TLK2: variants seen among roughly 807,000 people sequenced by gnomAD.
The protein encoded by TLK2 is serine/threonine-protein kinase tousled-like 2.
In TLK2, 6 loss-of-function variants were observed where a neutral mutation model predicts 117.3. That is an observed-to-expected ratio of 0.05 (90% CI 0.03 to 0.10). The LOEUF is 0.10. TLK2 is among the 10% of genes least tolerant of loss of function. The pLI is 1.00. For synonymous variants in TLK2, 257 were observed against 316.7 expected (o/e 0.81, Z 2.00); for missense variants, 299 against 901.2 (o/e 0.33, Z 8.56).
intron 21 of TLK2, among the ~76,000 whole-genome samples, chr17:62,611,730 A>G (rs1218105485): frequency 6.6e-6 from 1 of 152,260 alleles, no homozygotes; most frequent in Admixed American, 6.5e-5. Context: ...AGGAAAAGAC[A>G]GATAATCTAT....
intron 2 of TLK2, among the ~76,000 whole-genome samples, chr17:62,518,159 C>T (rs989157836): frequency 6.6e-6 from 1 of 152,254 alleles, no homozygotes; most frequent in African/African-American, 2.4e-5. Flanking sequence ...AGGTCATCAC[C>T]AAGGTCTGAT....
chr17:62,485,816 GT>G lies in TLK2; in HGVS notation c.81+4632del, dbSNP rs879159414. 3.0e-3 allele frequency among the ~76,000 whole-genome samples: 362 copies of G among 122,566 alleles called. 2 individuals carry two copies. The highest frequency in any genetic ancestry group is 4.5e-3 in the Admixed American group (53 of 11,724). 80.4% of individuals were successfully genotyped at this position (122,566 alleles called of 152,430 possible). ...GGGTTGTGAACCTAGTAATTTTCTG[GT>G]TTTTTTTTTTTTTTTTTTTTTGAGA... On this transcript the variant is annotated intron_variant, in intron 2 of 21. Transcript: ENST00000346027.
intron 2 of TLK2, among the ~76,000 whole-genome samples, chr17:62,519,086 T>A (rs1359178104): frequency 6.6e-6 from 1 of 152,132 alleles, no homozygotes; most frequent in African/African-American, 2.4e-5. Context: ...GGTTTCACCA[T>A]GTTGGCCAGG....
rs545043097 is a variant in TLK2, at chr17:62,509,348, C to T, written c.82-11425C>T. ...AAGTAATCTTCCCTCCTCAGCCTCCCAAATTGTTGAGATTATAGGTGTGAG... is the reference window on the plus strand; with the variant it reads ...AAGTAATCTTCCCTCCTCAGCCTCCTAAATTGTTGAGATTATAGGTGTGAG... On this transcript the variant is annotated intron_variant, in intron 2 of 21. Coordinates refer to ENST00000346027, the MANE Select transcript of TLK2 (RefSeq NM_006852.6). Among the ~76,000 whole-genome samples the T allele has an allele frequency of 4.6e-5, 7 of 152,144 alleles. No homozygotes were observed. The East Asian group carries it at 1.2e-3, about 25-fold the overall frequency.
intron 5 of TLK2, 108 bp downstream of exon 5, chr17:62,523,285 A>G: frequency 6.9e-7 from 1 of 1,446,594 alleles, no homozygotes. Context: ...AGGCTTTAGA[A>G]AGTAATATTT....
In TLK2 at chr17:62,516,327, A is replaced by C. The variant is rs182754321; in HGVS notation, c.82-4446A>C. On this transcript the variant is annotated intron_variant, in intron 2 of 21. Transcript: ENST00000346027. ...AAAAGAATCCTCTCCAGTTTTACTG[A>C]GGTGGCTGACCACGTCCACAACCAA... is the stretch of plus-strand genomic sequence containing the variant. 190 of 1,253,494 alleles carry C rather than the reference A, an allele frequency of 1.5e-4. No individual in the cohort carries two copies. In the Admixed American group the frequency reaches 1.7e-3, roughly 11 times the overall value. The allele number at this position is 1,253,494 out of a possible 1,614,324, so 77.6% of individuals were successfully genotyped here.
intron 9 of TLK2, among the ~76,000 whole-genome samples, chr17:62,555,297 GTCACTGTAC>G (rs1330130391): frequency 1.3e-5 from 2 of 151,922 alleles, no homozygotes; most frequent in East Asian, 3.9e-4. Flanking sequence ...GATTATAAAA[GTCACTGTAC>G]TCATGATGAT....
At chr17:62,552,962 T>G (rs1228542591) in intron 8 of TLK2, among the ~76,000 whole-genome samples, 1 of 152,246 alleles carries the variant, frequency 6.6e-6, no homozygotes, top group Non-Finnish European at 1.5e-5. Context: ...CCAACATGGT[T>G]TACTCCTTAA....
At chr17:62,600,513 A>C (rs1465776865) in intron 17 of TLK2, 138 bp from the exon 18 acceptor site, 6 of 720,116 alleles carry the variant, frequency 8.3e-6, no homozygotes, top group Non-Finnish European at 1.1e-5. Flanking sequence ...CTGAATAAAC[A>C]ATTGAAGAGT....
At chr17:62,524,029 G>A (rs2145593194) in intron 5 of TLK2, among the ~76,000 whole-genome samples, 1 of 151,518 alleles carries the variant, frequency 6.6e-6, no homozygotes, top group Middle Eastern at 3.4e-3. Context: ...TTTATATCTT[G>A]GTATATTTCT....
At chr17:62,541,407 A>G (rs192857344) in intron 7 of TLK2, among the ~76,000 whole-genome samples, 2 of 152,276 alleles carry the variant, frequency 1.3e-5, no homozygotes, top group South Asian at 2.1e-4. Flanking sequence ...TTCTTTATAG[A>G]AGGACTGGTT....
intron 2 of TLK2, among the ~76,000 whole-genome samples, chr17:62,501,628 T>C (rs1281747948): frequency 6.6e-6 from 1 of 151,432 alleles, no homozygotes; most frequent in South Asian, 2.1e-4. Flanking sequence ...AATGAGAATC[T>C]GAATAACCCC....
In TLK2 at chr17:62,511,032, T is replaced by G. The variant is rs2075102217; in HGVS notation, c.82-9741T>G. Among the ~76,000 whole-genome samples, 3 of 152,328 alleles carry G rather than the reference T, an allele frequency of 2.0e-5. No individual in the cohort carries two copies. In the South Asian group the frequency reaches 6.2e-4, roughly 32 times the overall value. On this transcript the variant is annotated intron_variant, in intron 2 of 21. Transcript: ENST00000346027. ...CACAAAATGTATAGGAAGGTTCTGT[T>G]CATGCACCGTGCATCTCTCCTCATG...
chr17:62,492,598 C>T (rs1188460548), intron 2 of TLK2, among the ~76,000 whole-genome samples: 1 of 151,916 alleles, frequency 6.6e-6, no homozygotes, highest in Admixed American at 6.6e-5. Context: ...GCTGGGATTA[C>T]AGGGACCTGC....
intron 2 of TLK2, among the ~76,000 whole-genome samples, chr17:62,508,812 AC>A (rs2145194694): frequency 6.6e-6 from 1 of 152,264 alleles, no homozygotes; most frequent in African/African-American, 2.4e-5. Context: ...TACTAAAAAT[AC>A]AAAAATTAGC....
At chr17:62,571,451 C>A (rs576834874) in intron 11 of TLK2, among the ~76,000 whole-genome samples, 28 of 151,802 alleles carry the variant, frequency 1.8e-4, no homozygotes, top group African/African-American at 6.8e-4. Context: ...TTTCAATCTG[C>A]AGTTGGTTGA....
chr17:62,505,057 C>T (rs1375957161), intron 2 of TLK2, among the ~76,000 whole-genome samples: 1 of 151,914 alleles, frequency 6.6e-6, no homozygotes, highest in Non-Finnish European at 1.5e-5. Context: ...TTGCCCAGGT[C>T]TCGAGTTCCT....
upstream of TLK2, among the ~76,000 whole-genome samples, chr17:62,475,406 G>A (rs1375083376): frequency 8.6e-5 from 13 of 152,030 alleles, no homozygotes; most frequent in Admixed American, 6.6e-4. Context: ...GCAGTGGCAC[G>A]ACCTCGGCTC....
chr17:62,494,671 T>A (rs747131390), intron 2 of TLK2, among the ~76,000 whole-genome samples: 1 of 152,120 alleles, frequency 6.6e-6, no homozygotes, highest in Non-Finnish European at 1.5e-5. Context: ...CCCAAAGTGC[T>A]GGGATTACAG....
Sources: allele counts gnomAD v4.1 joint callset (sites outside exome capture counted in the v4.1 genomes callset), GRCh38; gene constraint gnomAD v4.1.1; transcripts MANE v1.5; gene names NCBI Gene and HGNC (gene_info 2026-07-23, HGNC 2026-07-21).